EXTL3: variants seen among roughly 807,000 people sequenced by gnomAD.
The protein encoded by EXTL3 is exostosin-like 3.
A neutral mutation model predicts 69.3 loss-of-function variants in EXTL3; 27 were observed. That is an observed-to-expected ratio of 0.39 (90% CI 0.29 to 0.54). EXTL3 has a LOEUF of 0.54. Among genes scored for constraint, EXTL3 ranks in the 20% least tolerant of loss-of-function variants. The probability of loss-of-function intolerance (pLI) is 0.69; values close to 1 mark genes in which losing one functional copy is unlikely to be tolerated. For missense variants in EXTL3, 1,003 were observed against 1,231.8 expected, an observed-to-expected ratio of 0.81 and a Z score of 2.78; for synonymous variants, 511 against 499.4, an observed-to-expected ratio of 1.02 and a Z score of -0.31.
At chr8:28,677,129 A>AAAGGGATAATTAATGAAGGAAATGCATGG (rs1285647897) in intron 1 of EXTL3, among the ~76,000 whole-genome samples, 1 of 152,100 alleles carries the variant, frequency 6.6e-6, no homozygotes, top group East Asian at 1.9e-4. Flanking sequence ...CCTGGAGAGA[A>AAAGGGATAATTAATGAAGGAAATGCATGG]AAGGGATAAT....
chr8:28,623,233 G>T lies in EXTL3; in HGVS notation c.-53+423G>T, dbSNP rs1044088798. Among the ~76,000 whole-genome samples, 1 of 152,172 alleles carries T rather than the reference G, an allele frequency of 6.6e-6. No individual in the cohort carries two copies. Among genetic ancestry groups the T allele is most frequent in the South Asian group, 2.1e-4 (1 of 4,832 alleles). On this transcript the variant is annotated intron_variant, in intron 1 of 6. Coordinates refer to the EXTL3 transcript ENST00000523149. This position sits in a 1 kb window ranked among gnomAD's most constrained non-coding sequence, Gnocchi z 4.2. ...GGTAAGCGGCATCTGCCACGCGCCCGCCTCGCGCGCTGTCAGGAGGCGCTG... is the reference window on the plus strand; with the variant it reads ...GGTAAGCGGCATCTGCCACGCGCCCTCCTCGCGCGCTGTCAGGAGGCGCTG...
intron 4 of EXTL3, among the ~76,000 whole-genome samples, chr8:28,736,766 A>T (rs1424767137): frequency 1.3e-5 from 2 of 152,210 alleles, no homozygotes; most frequent in Non-Finnish European, 2.9e-5. Flanking sequence ...CTAATATGTC[A>T]TGCTTATTAA....
At chr8:28,651,554 G>A (rs969357855) in intron 1 of EXTL3, among the ~76,000 whole-genome samples, 1 of 151,908 alleles carries the variant, frequency 6.6e-6, no homozygotes, top group Non-Finnish European at 1.5e-5. Context: ...CAAACTCCTG[G>A]GCTCAAGTGA....
intron 6 of EXTL3, among the ~76,000 whole-genome samples, chr8:28,746,820 C>T (rs901267827): frequency 2.6e-5 from 4 of 152,048 alleles, no homozygotes; most frequent in East Asian, 1.9e-4. Context: ...GGACTATAGG[C>T]GTGTGCCACC....
At chr8:28,698,762 G>A (rs1443506476), upstream of EXTL3, among the ~76,000 whole-genome samples, 1 of 152,234 alleles carries the variant, frequency 6.6e-6, no homozygotes, top group Non-Finnish European at 1.5e-5. Context: ...GGGAGGCCGA[G>A]GTGGGCGGAT....
chr8:28,731,763 T>G (rs2130773491), intron 4 of EXTL3, among the ~76,000 whole-genome samples: 1 of 152,012 alleles, frequency 6.6e-6, no homozygotes, highest in East Asian at 1.9e-4. Flanking sequence ...CATGTTGCTG[T>G]GTGTTGGAGC....
chr8:28,653,550 T>C (rs1806959835), intron 1 of EXTL3, among the ~76,000 whole-genome samples: 1 of 152,194 alleles, frequency 6.6e-6, no homozygotes, highest in Non-Finnish European at 1.5e-5. Context: ...TTATATATGG[T>C]ATAGGGTAAG....
At chr8:28,635,018 G>A (rs568141427) in intron 1 of EXTL3, among the ~76,000 whole-genome samples, 8 of 152,106 alleles carry the variant, frequency 5.3e-5, no homozygotes, top group East Asian at 3.9e-4. Flanking sequence ...CACCCCACAC[G>A]GCTCCTGGAC....
chr8:28,737,412 A>G (rs1391973193), intron 4 of EXTL3, 107 bp from the exon 5 acceptor site: 2 of 1,234,258 alleles, frequency 1.6e-6, no homozygotes, highest in Non-Finnish European at 2.4e-6. Context: ...TACGAGAAGT[A>G]AAAGCCTAAG....
intron 2 of EXTL3, among the ~76,000 whole-genome samples, chr8:28,714,893 T>G (rs755106577): frequency 1.2e-4 from 19 of 152,274 alleles, no homozygotes; most frequent in Non-Finnish European, 2.6e-4. Flanking sequence ...ATAGCAAATC[T>G]GTCAGCAAAG....
upstream of EXTL3, among the ~76,000 whole-genome samples, chr8:28,622,461 A>T (rs1314692501): frequency 1.3e-5 from 2 of 152,054 alleles, no homozygotes; most frequent in African/African-American, 4.8e-5. Flanking sequence ...CCTGCACGAC[A>T]GTCTTGAACC....
At chr8:28,693,212 T>C (rs1035598169) in intron 1 of EXTL3, among the ~76,000 whole-genome samples, 43 of 150,360 alleles carry the variant, frequency 2.9e-4, no homozygotes, top group African/African-American at 1.1e-3. Context: ...TGCAATGGCA[T>C]AATCTCGGCT....
Position 28,743,227 on chromosome 8 carries a change from C to G in EXTL3, c.2550+13C>G. Reference sequence around the variant, plus strand: ...GCCCCCCATCAAGGTGAGGTCCCACCACTGGTGGGGCTGTGGATGCGTGCA... The same window carrying G: ...GCCCCCCATCAAGGTGAGGTCCCACGACTGGTGGGGCTGTGGATGCGTGCA... On this transcript the variant is annotated intron_variant, in intron 6 of 6. Transcript: ENST00000220562. 6.2e-7 allele frequency: 1 copy of G among 1,614,150 alleles called. No homozygotes were observed. The highest frequency in any genetic ancestry group is 8.5e-7 in the Non-Finnish European group (1 of 1,180,004).
chr8:28,679,145 G>A (rs1049266904), intron 1 of EXTL3, among the ~76,000 whole-genome samples: 4 of 152,160 alleles, frequency 2.6e-5, no homozygotes, highest in South Asian at 4.1e-4. Context: ...TCTTGTTCCC[G>A]TTTTAAGAAT....
intron 4 of EXTL3, among the ~76,000 whole-genome samples, chr8:28,736,139 A>G (rs1186626559): frequency 1.3e-5 from 2 of 152,188 alleles, no homozygotes; most frequent in African/African-American, 4.8e-5. Flanking sequence ...AAAAATGATT[A>G]AGATGGTATA....
In EXTL3 at chr8:28,722,795, A is replaced by G. The variant is rs796797451; in HGVS notation, c.2148+4588A>G. On this transcript the variant is annotated intron_variant, in intron 3 of 6. Transcript: ENST00000220562. ...TCTCTAAAAAAAAAAAAAAAAAAAA[A>G]AGAGAGATACAAGATTATTATTTTT... Among the ~76,000 whole-genome samples, 70 of 151,016 alleles carry G rather than the reference A, an allele frequency of 4.6e-4. No homozygotes were observed. The East Asian group carries it at 8.2e-3, about 18-fold the overall frequency.
chr8:28,706,301 ATTAC>A (rs1800921236), intron 1 of EXTL3, among the ~76,000 whole-genome samples: 1 of 152,204 alleles, frequency 6.6e-6, no homozygotes, highest in Non-Finnish European at 1.5e-5. Context: ...CAAATGGCAA[ATTAC>A]TTTTCAGTTT....
intron 1 of EXTL3, among the ~76,000 whole-genome samples, chr8:28,679,274 C>A: frequency 6.6e-6 from 1 of 152,102 alleles, no homozygotes; most frequent in East Asian, 1.9e-4. Context: ...GGTGAAATCC[C>A]GTCTCTACTA....
chr8:28,666,011 G>T (rs1585239637), intron 1 of EXTL3, among the ~76,000 whole-genome samples: 1 of 152,290 alleles, frequency 6.6e-6, no homozygotes, highest in East Asian at 1.9e-4. Flanking sequence ...TGAATCTGTG[G>T]TTTTCTTGTC....
Sources: allele counts gnomAD v4.1 joint callset (sites outside exome capture counted in the v4.1 genomes callset), GRCh38; gene constraint gnomAD v4.1.1; non-coding constraint Gnocchi (gnomAD v3.1); transcripts MANE v1.5; gene names NCBI Gene and HGNC (gene_info 2026-07-23, HGNC 2026-07-21).